SMC5: variants seen among roughly 807,000 people sequenced by gnomAD.
The protein encoded by SMC5 is structural maintenance of chromosomes 5.
SMC5 carries 88 observed loss-of-function variants against 148.3 expected under a neutral mutation model. That is an observed-to-expected ratio of 0.59 (90% CI 0.50 to 0.71). SMC5 has a LOEUF of 0.71. Ranked by LOEUF, SMC5 falls within the 30% of genes least tolerant of loss-of-function variation. SMC5 has a pLI of 0.00. For missense variants in SMC5, 1,142 were observed against 1,298.9 expected (o/e 0.88, Z 1.86); for synonymous variants, 421 against 432.8 (o/e 0.97, Z 0.34).
intron 15 of SMC5, among the ~76,000 whole-genome samples, chr9:70,322,493 G>T (rs964660128): frequency 3.9e-5 from 6 of 152,294 alleles, no homozygotes; most frequent in African/African-American, 1.4e-4. Flanking sequence ...TCATCCAAAA[G>T]ACTGTTGCAA....
intron 2 of SMC5, among the ~76,000 whole-genome samples, chr9:70,266,109 A>G (rs1026306255): frequency 1.3e-5 from 2 of 152,200 alleles, no homozygotes; most frequent in African/African-American, 4.8e-5. Flanking sequence ...TAAAGCAAGT[A>G]TCAAAAAATT....
rs1250539698 is a variant in SMC5 at position 70,353,101 on chromosome 9, T to C, written c.*770T>C. 1 of 151,950 alleles carries C rather than the reference T, an allele frequency of 6.6e-6. No individual in the cohort carries two copies. The highest frequency in any genetic ancestry group is 1.5e-5 in the Non-Finnish European group (1 of 67,994). 9.4% of individuals were successfully genotyped at this position (151,950 alleles called of 1,614,324 possible). A position where few individuals can be genotyped will look rare whatever the true frequency, so the allele number is the denominator to read the frequency against. ...GTGTGGGGGCAGGGGTTGCTTTTTT[T>C]TATTTTATTTAAAGTCAATTATATT... is the stretch of plus-strand genomic sequence containing the variant. On this transcript the variant is annotated 3_prime_UTR_variant, in exon 25 of 25. Coordinates refer to ENST00000361138, the MANE Select transcript of SMC5 (RefSeq NM_015110.4).
At chr9:70,263,456 T>G (rs1402735844) in intron 1 of SMC5, among the ~76,000 whole-genome samples, 1 of 152,220 alleles carries the variant, frequency 6.6e-6, no homozygotes, top group Admixed American at 6.5e-5. Flanking sequence ...CATTTATTCA[T>G]GAGGAATTAG....
chr9:70,322,834 TCAAA>T (rs1022612210), intron 15 of SMC5, among the ~76,000 whole-genome samples: 1 of 152,054 alleles, frequency 6.6e-6, no homozygotes, highest in Non-Finnish European at 1.5e-5. Context: ...GACTCCTATC[TCAAA>T]CAAACAAAAA....
intron 11 of SMC5, among the ~76,000 whole-genome samples, chr9:70,309,318 C>CGTTTTTT (rs2035594091): frequency 3.8e-5 from 3 of 79,180 alleles, no homozygotes; most frequent in Non-Finnish European, 7.0e-5. Flanking sequence ...TTTCCTTTTC[C>CGTTTTTT]TTTTTTTTTT....
intron 17 of SMC5, among the ~76,000 whole-genome samples, chr9:70,333,855 A>C (rs1351268826): frequency 6.6e-6 from 1 of 151,252 alleles, no homozygotes; most frequent in East Asian, 1.9e-4. Context: ...TGGATCAAAA[A>C]TTCAGGATTT....
intron 17 of SMC5, among the ~76,000 whole-genome samples, chr9:70,343,557 G>A (rs1016210641): frequency 6.6e-6 from 1 of 152,260 alleles, no homozygotes; most frequent in East Asian, 1.9e-4. Flanking sequence ...GCTCACACCT[G>A]TAATCCCAGC....
At chr9:70,282,068 C>T (rs1441428345) in intron 6 of SMC5, among the ~76,000 whole-genome samples, 2 of 144,990 alleles carry the variant, frequency 1.4e-5, no homozygotes, top group Non-Finnish European at 3.0e-5. Context: ...ACCCTTTATA[C>T]TTGAGTTTCT....
At chr9:70,291,417 A>G (rs999139735) in intron 8 of SMC5, among the ~76,000 whole-genome samples, 1 of 152,164 alleles carries the variant, frequency 6.6e-6, no homozygotes, top group Non-Finnish European at 1.5e-5. Flanking sequence ...CTATTTGCAC[A>G]CAACCACAAA....
At chr9:70,311,591 G>A (rs888618166) in intron 11 of SMC5, 1 of 151,154 alleles carries the variant, frequency 6.6e-6, no homozygotes, top group South Asian at 2.1e-4. Flanking sequence ...CCTTGAATGT[G>A]TTTTAAAAAA....
At chr9:70,302,134 G>A (rs2035375265) in intron 10 of SMC5, among the ~76,000 whole-genome samples, 1 of 152,174 alleles carries the variant, frequency 6.6e-6, no homozygotes, top group Non-Finnish European at 1.5e-5. Context: ...CATTTTGGGA[G>A]GCCGAGGTAG....
At chr9:70,301,066 T>C (rs968564243) in intron 10 of SMC5, among the ~76,000 whole-genome samples, 3 of 152,174 alleles carry the variant, frequency 2.0e-5, no homozygotes, top group African/African-American at 7.2e-5. Flanking sequence ...CATAACATTC[T>C]CTTATTCACA....
chr9:70,320,224 C>T (rs1259266206), intron 15 of SMC5, among the ~76,000 whole-genome samples: 2 of 152,182 alleles, frequency 1.3e-5, no homozygotes, highest in South Asian at 2.1e-4. Context: ...CCTCCATATT[C>T]GTGGGTTGCA....
chr9:70,282,709 C>A, intron 7 of SMC5, 126 bp downstream of exon 7: 1 of 949,018 alleles, frequency 1.1e-6, no homozygotes, highest in Non-Finnish European at 1.5e-6. Context: ...GTTTTTTAAC[C>A]AGGAATTCTG....
chr9:70,314,658 G>A, intron 11 of SMC5, 84 bp from the exon 12 acceptor site: 1 of 578,444 alleles, frequency 1.7e-6, no homozygotes, highest in Non-Finnish European at 2.8e-6. Flanking sequence ...TCCCACGAAT[G>A]CCAGTAGGAG....
rs2036698192 is a variant in SMC5 at position 70,347,603 on chromosome 9, C to T, written c.2665-10C>T. On this transcript the variant is annotated splice_polypyrimidine_tract_variant and intron_variant, in intron 20 of 24. Transcript: ENST00000361138. ...ATTTATCTTAAAGAAGTTTTTTTTT[C>T]CCCTGCCAGATTGTTCAGGAATATA... 6 of 1,419,546 alleles carry T rather than the reference C, an allele frequency of 4.2e-6. No homozygotes were observed. Among genetic ancestry groups the T allele is most frequent in the East Asian group, 2.4e-5 (1 of 42,286 alleles). 87.9% of individuals were successfully genotyped at this position (1,419,546 alleles called of 1,614,324 possible).
intron 20 of SMC5, 45 bp from the exon 21 acceptor site, chr9:70,347,568 C>A: frequency 9.8e-7 from 1 of 1,018,538 alleles, no homozygotes; most frequent in Non-Finnish European, 1.5e-6. Context: ...ATAGTTTTAT[C>A]CTTTGGTAGA....
chr9:70,263,161 G>A (rs191698955), intron 1 of SMC5, among the ~76,000 whole-genome samples: 1 of 152,294 alleles, frequency 6.6e-6, no homozygotes, highest in Admixed American at 6.5e-5. Context: ...AGCGTAAGAA[G>A]TTCCATGTCA....
intron 11 of SMC5, among the ~76,000 whole-genome samples, chr9:70,312,706 T>C (rs1481914551): frequency 6.6e-6 from 1 of 152,230 alleles, no homozygotes; most frequent in Non-Finnish European, 1.5e-5. Flanking sequence ...TTTTGCACTT[T>C]ATTCTGTTAA....
Sources: gnomAD v4.1 joint callset for allele counts (sites outside exome capture counted in the v4.1 genomes callset) on GRCh38, gnomAD v4.1.1 for gene constraint, MANE v1.5 for transcripts, NCBI Gene and HGNC (gene_info 2026-07-23, HGNC 2026-07-21) for gene names.